MRAS: variants seen among roughly 807,000 people sequenced by gnomAD.
The protein encoded by MRAS is ras-related protein M-Ras.
Under a neutral mutation model 20.9 loss-of-function variants are expected in MRAS, and 4 were observed. The observed-to-expected ratio is 0.19, with a 90% CI of 0.09 to 0.44. MRAS has a LOEUF of 0.44. Ranked by LOEUF, MRAS falls within the 20% of genes least tolerant of loss-of-function variation. MRAS has a pLI of 0.99. For missense variants in MRAS, 154 were observed against 277.5 expected, an observed-to-expected ratio of 0.56 and a Z score of 3.16; for synonymous variants, 98 against 102.9, an observed-to-expected ratio of 0.95 and a Z score of 0.29.
chr3:138,402,560 G>T lies in MRAS; in HGVS notation c.*291G>T. On this transcript the variant is annotated 3_prime_UTR_variant, in exon 6 of 6. Transcript: ENST00000423968. ...ACCCGGTTCCTCCCCCTCTCTCGGT[G>T]GGTGTGTTGTTTATTGTAACTACAT... 1 of 385,314 alleles carries T rather than the reference G, an allele frequency of 2.6e-6. No individual in the cohort carries two copies. The highest frequency in any genetic ancestry group is 4.7e-6 in the Non-Finnish European group (1 of 214,720). The allele number at this position is 385,314 out of a possible 1,614,324, so 23.9% of individuals were successfully genotyped here. A position where few individuals can be genotyped will look rare whatever the true frequency, so the allele number is the denominator to read the frequency against.
In MRAS at chr3:138,403,815, A is replaced by G. The variant is rs2055405609; in HGVS notation, c.*1546A>G. The G allele has an allele frequency of 6.6e-6, 1 of 152,514 alleles. No homozygotes were observed. The highest frequency in any genetic ancestry group is 2.4e-5 in the African/African-American group (1 of 41,456). 9.4% of individuals were successfully genotyped at this position (152,514 alleles called of 1,614,324 possible). On this transcript the variant is annotated 3_prime_UTR_variant, in exon 6 of 6. Transcript: ENST00000423968. ...ATCAGGTCACTATGCAAACTAGAATATCCTCAGCAGGTGGCCTGGCCACTC... is the reference window on the plus strand; with the variant it reads ...ATCAGGTCACTATGCAAACTAGAATGTCCTCAGCAGGTGGCCTGGCCACTC...
intron 2 of MRAS, among the ~76,000 whole-genome samples, chr3:138,392,476 T>A (rs2055153049): frequency 6.6e-6 from 1 of 152,252 alleles, no homozygotes. Flanking sequence ...GATTATGGAA[T>A]TTGTCAATTC....
chr3:138,397,694 C>T (rs2055270147), intron 3 of MRAS, among the ~76,000 whole-genome samples: 1 of 152,092 alleles, frequency 6.6e-6, no homozygotes, highest in Admixed American at 6.6e-5. Context: ...AAAATAAAAG[C>T]ACAAACTAAT....
rs777652361 is a variant in MRAS, at chr3:138,398,491, G to A, written c.370G>A (p.Val124Met). Reference protein sequence around the residue: ...KDRESFPMILVANKVDLMHLR... With the variant: ...KDRESFPMILMANKVDLMHLR... ...CAGGGAGTCATTCCCGATGATCCTC[G>A]TGGCCAACAAGGTCGATTTGATGCA... Residue 124 changes from valine (V) to methionine (M), a missense_variant, in exon 4 of 6, where the codon GTG (valine) becomes ATG (methionine). Around this residue, in one of 3 missense-constraint regions of MRAS, gnomAD observed 125 missense variants for 213.5 expected, o/e 0.59. Coordinates refer to ENST00000423968, the MANE Select transcript of MRAS (RefSeq NM_001085049.3). The A allele has an allele frequency of 4.3e-6, 7 of 1,613,998 alleles. No individual in the cohort carries two copies. The highest frequency in any genetic ancestry group is 1.3e-5 in the African/African-American group (1 of 74,892).
intron 2 of MRAS, among the ~76,000 whole-genome samples, chr3:138,389,083 G>A (rs1014412076): frequency 6.6e-6 from 1 of 151,908 alleles, no homozygotes; most frequent in African/African-American, 2.4e-5. Context: ...CTCGTGATCC[G>A]CCCTCCTCGG....
intron 1 of MRAS, chr3:138,349,288 T>G (rs1210990490): frequency 6.6e-6 from 1 of 152,236 alleles, no homozygotes; most frequent in Non-Finnish European, 1.5e-5. Flanking sequence ...GGGCCTGGGC[T>G]CATGCATTGA....
chr3:138,396,739 C>T (rs377556385), intron 2 of MRAS, among the ~76,000 whole-genome samples: 20 of 152,076 alleles, frequency 1.3e-4, no homozygotes, highest in African/African-American at 2.9e-4. Flanking sequence ...TGTGAGGGGC[C>T]GCTCCTCCCC....
chr3:138,390,085 G>C (rs1346097121), intron 2 of MRAS, among the ~76,000 whole-genome samples: 1 of 134,064 alleles, frequency 7.5e-6, no homozygotes, highest in East Asian at 2.7e-4. Flanking sequence ...AGGAGGAGAA[G>C]CAGAGAAAAG....
At position 138,373,096 on chromosome 3, in the gene MRAS, C is replaced by G; in HGVS notation, c.193+20C>G. 1 of 1,433,604 alleles carries G rather than the reference C, an allele frequency of 7.0e-7. No individual in the cohort carries two copies. The highest frequency in any genetic ancestry group is 9.2e-7 in the Non-Finnish European group (1 of 1,090,592). 88.8% of individuals were successfully genotyped at this position (1,433,604 alleles called of 1,614,324 possible). On this transcript the variant is annotated intron_variant, in intron 2 of 5. Transcript: ENST00000423968. ...TGGACGGTGAGACCTGGGTGGCAGC[C>G]CTGCATTGGGTGGGATAGTAGATGG...
Position 138,405,298 on chromosome 3 carries a change from G to T in MRAS, c.*3029G>T, listed in dbSNP as rs1321197269. ...ACAGCAAATCTGGAGCCACAGACAG[G>T]TTCCCTCCATTGGCAGCCCATTGTG... On this transcript the variant is annotated 3_prime_UTR_variant, in exon 6 of 6. Coordinates refer to ENST00000423968, the MANE Select transcript of MRAS (RefSeq NM_001085049.3). 1 of 152,660 alleles carries T rather than the reference G, an allele frequency of 6.6e-6. No individual in the cohort carries two copies. The highest frequency in any genetic ancestry group is 1.5e-5 in the Non-Finnish European group (1 of 68,042). The allele number at this position is 152,660 out of a possible 1,614,324, so 9.5% of individuals were successfully genotyped here.
At chr3:138,361,257 C>G (rs540520919) in intron 1 of MRAS, among the ~76,000 whole-genome samples, 3 of 152,222 alleles carry the variant, frequency 2.0e-5, no homozygotes. Flanking sequence ...AGAGGCCATG[C>G]GAGGGGAAGG....
At chr3:138,378,011 C>T (rs1183306013) in intron 2 of MRAS, among the ~76,000 whole-genome samples, 2 of 152,228 alleles carry the variant, frequency 1.3e-5, no homozygotes, top group East Asian at 3.8e-4. Context: ...TTGACTCCTA[C>T]CCACTGTCAG....
At chr3:138,394,068 G>T (rs2055183938) in intron 2 of MRAS, among the ~76,000 whole-genome samples, 1 of 150,912 alleles carries the variant, frequency 6.6e-6, no homozygotes, top group Admixed American at 6.6e-5. Context: ...TTTATTAATT[G>T]CAGTTCTGAG....
chr3:138,355,788 G>T (rs1232724578), intron 1 of MRAS, among the ~76,000 whole-genome samples: 1 of 152,186 alleles, frequency 6.6e-6, no homozygotes, highest in Non-Finnish European at 1.5e-5. Flanking sequence ...AAACTTAGCT[G>T]GGCGTGGTGG....
At chr3:138,363,986 C>T (rs2054510054) in intron 1 of MRAS, among the ~76,000 whole-genome samples, 1 of 152,120 alleles carries the variant, frequency 6.6e-6, no homozygotes, top group Non-Finnish European at 1.5e-5. Context: ...CTCCTGAATA[C>T]TGGAGAAATG....
At chr3:138,360,740 C>G (rs1002217368) in intron 1 of MRAS, among the ~76,000 whole-genome samples, 1 of 152,254 alleles carries the variant, frequency 6.6e-6, no homozygotes, top group Admixed American at 6.5e-5. Context: ...GCCAGTATCA[C>G]TCCTGCATTT....
chr3:138,354,657 G>C (rs2054294186), intron 1 of MRAS, among the ~76,000 whole-genome samples: 1 of 152,222 alleles, frequency 6.6e-6, no homozygotes, highest in African/African-American at 2.4e-5. Context: ...GTTTAGCCAA[G>C]CTGTAGAGCA....
intron 1 of MRAS, among the ~76,000 whole-genome samples, chr3:138,363,821 C>CG (rs1292469308): frequency 4.1e-5 from 3 of 73,104 alleles, no homozygotes; most frequent in South Asian, 9.7e-4. Flanking sequence ...GAGGATTTAC[C>CG]CCCCCCCCCC....
intron 2 of MRAS, among the ~76,000 whole-genome samples, chr3:138,393,801 T>C (rs1456478171): frequency 1.3e-5 from 2 of 152,160 alleles, no homozygotes. Flanking sequence ...GTGACTCTCC[T>C]GCCTCAGCCT....
Sources: gnomAD v4.1 joint callset for allele counts (sites outside exome capture counted in the v4.1 genomes callset) on GRCh38, gnomAD v4.1.1 for gene constraint, gnomAD v4.1.1 regional missense constraint, MANE v1.5 for transcripts, NCBI Gene and HGNC (gene_info 2026-07-23, HGNC 2026-07-21) for gene names.